Variants in RPH3A observed in about 807,000 individuals in gnomAD.
The protein encoded by RPH3A is rabphilin 3A, also known as rabphilin-3A.
Under a neutral mutation model 102.2 loss-of-function variants are expected in RPH3A, and 48 were observed. That is an observed-to-expected ratio of 0.47 (90% CI 0.37 to 0.60). The LOEUF (loss-of-function observed/expected upper bound fraction) is 0.60. Among genes scored for constraint, RPH3A ranks in the 20% least tolerant of loss-of-function variants. RPH3A has a pLI of 0.00. For synonymous variants in RPH3A, 310 were observed against 324.3 expected (o/e 0.96, Z 0.47); for missense variants, 781 against 910.1 (o/e 0.86, Z 1.83).
chr12:112,805,163 C>T (rs1402881188), intron 2 of RPH3A, among the ~76,000 whole-genome samples: 1 of 152,128 alleles, frequency 6.6e-6, no homozygotes, highest in African/African-American at 2.4e-5. Context: ...ATTGGTGCCC[C>T]TTTTTTGTAA....
At chr12:112,835,194 A>G (rs1477110162) in intron 3 of RPH3A, among the ~76,000 whole-genome samples, 3 of 152,208 alleles carry the variant, frequency 2.0e-5, no homozygotes, top group Admixed American at 6.5e-5. Context: ...TGAAGACACT[A>G]TTGAACTCTG....
chr12:112,678,295 A>AGAGAGAGAGAGAGAG lies in RPH3A; in HGVS notation c.-140+102976_-140+102977insGAGAGAGAGAGAGAG, dbSNP rs1566255284. 1.1e-3 allele frequency among the ~76,000 whole-genome samples: 37 copies of AGAGAGAGAGAGAGAG among 34,838 alleles called. 5 individuals carry two copies. The highest frequency in any genetic ancestry group is 1.3e-3 in the Non-Finnish European group (22 of 16,494). The allele number at this position is 34,838 out of a possible 152,430, so 22.9% of individuals were successfully genotyped here. Reference sequence around the variant, plus strand: ...AAAGAAAGAAAGAAAGAAAGAAAGAAAGAAAGAAAGAGAGAGAGAGAGAAA... The same window carrying AGAGAGAGAGAGAGAG: ...AAAGAAAGAAAGAAAGAAAGAAAGAAGAGAGAGAGAGAGAGAGAAAGAAAGAGAGAGAGAGAGAAA... On this transcript the variant is annotated intron_variant, in intron 1 of 21. Coordinates refer to the RPH3A transcript ENST00000543106.
chr12:112,694,005 C>T (rs562200502), intron 1 of RPH3A, among the ~76,000 whole-genome samples: 6 of 152,130 alleles, frequency 3.9e-5, no homozygotes, highest in Non-Finnish European at 5.9e-5. Flanking sequence ...GTATCTAATT[C>T]GCTCTGCACA....
intron 1 of RPH3A, among the ~76,000 whole-genome samples, chr12:112,783,281 G>GT (rs1808479077): frequency 2.6e-5 from 4 of 152,170 alleles, no homozygotes; most frequent in Admixed American, 2.6e-4. Flanking sequence ...GAGGTGCCCA[G>GT]GGCATTGAGA....
chr12:112,852,543 G>A (rs958092033), intron 5 of RPH3A, among the ~76,000 whole-genome samples: 1 of 152,146 alleles, frequency 6.6e-6, no homozygotes, highest in African/African-American at 2.4e-5. Context: ...ACGCTAGCTA[G>A]AGTCTCCCAG....
chr12:112,801,827 CTCTGTT>C (rs2041359582), intron 2 of RPH3A, among the ~76,000 whole-genome samples: 2 of 152,112 alleles, frequency 1.3e-5, no homozygotes, highest in Non-Finnish European at 2.9e-5. Context: ...CCCTATTCTA[CTCTGTT>C]TATGCGTATT....
chr12:112,786,730 T>C (rs1003837150), intron 1 of RPH3A, among the ~76,000 whole-genome samples: 4 of 152,166 alleles, frequency 2.6e-5, no homozygotes, highest in African/African-American at 9.7e-5. Context: ...TCAGTCATGA[T>C]TCCTAAAGCC....
intron 1 of RPH3A, among the ~76,000 whole-genome samples, chr12:112,682,150 A>G (rs2040230325): frequency 6.6e-6 from 1 of 152,184 alleles, no homozygotes; most frequent in Non-Finnish European, 1.5e-5. Context: ...ATATATAGAT[A>G]TATAAGAGGG....
chr12:112,890,110 G>A (rs748495964), intron 18 of RPH3A, 30 bp downstream of exon 18: 1 of 1,600,198 alleles, frequency 6.2e-7, no homozygotes, highest in African/African-American at 1.3e-5. Context: ...TGAAGCCACA[G>A]TCAGGGTCTG....
intron 1 of RPH3A, among the ~76,000 whole-genome samples, chr12:112,591,249 A>T (rs1179469528): frequency 6.6e-6 from 1 of 151,824 alleles, no homozygotes; most frequent in African/African-American, 2.4e-5. Context: ...CCACACCCAG[A>T]TAATTAAAAA....
intron 16 of RPH3A, among the ~76,000 whole-genome samples, chr12:112,885,405 GT>G (rs1353274321): frequency 6.6e-6 from 1 of 152,172 alleles, no homozygotes; most frequent in Admixed American, 6.5e-5. Flanking sequence ...GTGCACTGGT[GT>G]TGCGTTGTGG....
intron 1 of RPH3A, among the ~76,000 whole-genome samples, chr12:112,694,669 CACACACACACACACAG>C (rs1282118693): frequency 1.6e-3 from 233 of 148,120 alleles, no homozygotes; most frequent in African/African-American, 5.8e-3. Flanking sequence ...CACACACACA[CACACACACACACACAG>C]AGAGAGAGAG....
intron 1 of RPH3A, among the ~76,000 whole-genome samples, chr12:112,591,364 G>A (rs894232773): frequency 6.6e-6 from 1 of 152,232 alleles, no homozygotes; most frequent in Non-Finnish European, 1.5e-5. Context: ...GGGATTGCAA[G>A]TGTGTGTGAG....
At chr12:112,833,227 A>T (rs1229092137) in intron 3 of RPH3A, among the ~76,000 whole-genome samples, 1 of 152,196 alleles carries the variant, frequency 6.6e-6, no homozygotes, top group Non-Finnish European at 1.5e-5. Flanking sequence ...TATGCCTGTA[A>T]GGTGGAAATA....
Position 112,875,088 on chromosome 12 carries a change from G to C in RPH3A, c.801G>C (p.Leu267Phe). 1 of 1,607,610 alleles carries C rather than the reference G, an allele frequency of 6.2e-7. No individual in the cohort carries two copies. Among genetic ancestry groups the C allele is most frequent in the Non-Finnish European group, 8.5e-7 (1 of 1,177,518 alleles). ...AGDSSRSPAG[L>F]RRANSVQASR... is the part of the protein sequence containing the mutation. ...TTTCTTTTCTTTCCTCTGCAGGTTT[G>C]AGACGGGCCAACTCAGTCCAGGCCT... The change falls in exon 11 of 22, where the codon TTG (leucine) becomes TTC (phenylalanine). Residue 267 changes from leucine to phenylalanine, a missense_variant. Around this residue, in one of 2 missense-constraint regions of RPH3A, gnomAD observed 730 missense variants for 810.0 expected, o/e 0.90. Coordinates refer to ENST00000389385, the MANE Select transcript of RPH3A (RefSeq NM_001143854.2).
intron 19 of RPH3A, chr12:112,893,817 C>T (rs2043137834): frequency 6.6e-6 from 1 of 152,296 alleles, no homozygotes; most frequent in South Asian, 2.1e-4. Context: ...GCACGAGCCA[C>T]CATACGCAGC....
chr12:112,776,910 AAG>A (rs2040972111), intron 1 of RPH3A, among the ~76,000 whole-genome samples: 1 of 112,382 alleles, frequency 8.9e-6, no homozygotes, highest in African/African-American at 3.4e-5. Flanking sequence ...AAAAAAAAAA[AAG>A]AAAGTGCAAG....
At chr12:112,878,996 G>A (rs561679891) in intron 13 of RPH3A, 123 bp from the exon 14 acceptor site, 101 of 837,976 alleles carry the variant, frequency 1.2e-4, no homozygotes, top group South Asian at 1.2e-3. Context: ...AGCAAAAACC[G>A]AGTTTTCTTC....
In RPH3A at chr12:112,707,413, C is replaced by A. The variant is rs142884154; in HGVS notation, c.-139-84730C>A. On this transcript the variant is annotated intron_variant, in intron 1 of 21. Coordinates refer to the RPH3A transcript ENST00000543106. ...AACCCCTTTAGTTAGGTAGTTTTAC[C>A]CTAACTTTACAGGTGAGGAAACTGG... 3.3e-3 allele frequency among the ~76,000 whole-genome samples: 506 copies of A among 152,214 alleles called. 5 individuals are homozygous for A. The highest frequency in any genetic ancestry group is 3.8e-3 in the Non-Finnish European group (258 of 68,008).
Sources: allele counts gnomAD v4.1 joint callset (sites outside exome capture counted in the v4.1 genomes callset), GRCh38; gene constraint gnomAD v4.1.1; regional missense constraint gnomAD v4.1.1; transcripts MANE v1.5; gene names NCBI Gene and HGNC (gene_info 2026-07-23, HGNC 2026-07-21).